The following ATG10 variants were observed in gnomAD, a reference collection of about 807,000 sequenced individuals.
ATG10 encodes the protein autophagy related 10.
Under a neutral mutation model 32.1 loss-of-function variants are expected in ATG10, and 30 were observed. The observed-to-expected ratio is 0.94, with a 90% CI of 0.70 to 1.27. The LOEUF (loss-of-function observed/expected upper bound fraction) is 1.27. Among genes scored for constraint, ATG10 ranks in the 50% most tolerant of loss-of-function variants. ATG10 has a pLI of 0.00. For missense variants in ATG10, 233 were observed against 262.3 expected, an observed-to-expected ratio of 0.89 and a Z score of 0.77; for synonymous variants, 87 against 91.5, an observed-to-expected ratio of 0.95 and a Z score of 0.28.
At chr5:82,087,452 T>C (rs1384068850) in intron 3 of ATG10, among the ~76,000 whole-genome samples, 1 of 152,168 alleles carries the variant, frequency 6.6e-6, no homozygotes, top group Non-Finnish European at 1.5e-5. Context: ...TATGGCTAGA[T>C]GGTGGAGAGC....
At chr5:82,026,789 G>A (rs748121948) in intron 2 of ATG10, among the ~76,000 whole-genome samples, 13 of 152,036 alleles carry the variant, frequency 8.6e-5, no homozygotes, top group Non-Finnish European at 1.8e-4. Flanking sequence ...TGCTGGGTGC[G>A]GTAGCTCACG....
chr5:82,016,981 C>G (rs141541214), intron 2 of ATG10, among the ~76,000 whole-genome samples: 1 of 152,158 alleles, frequency 6.6e-6, no homozygotes, highest in African/African-American at 2.4e-5. Context: ...TGAGCCACTG[C>G]GCCCAGCCCC....
At chr5:82,159,087 G>T (rs895333825) in intron 3 of ATG10, among the ~76,000 whole-genome samples, 4 of 152,126 alleles carry the variant, frequency 2.6e-5, no homozygotes, top group African/African-American at 7.2e-5. Flanking sequence ...GTGCCTTGGG[G>T]CTGTTATTAC....
intron 2 of ATG10, among the ~76,000 whole-genome samples, chr5:82,005,537 C>T (rs945931885): frequency 2.6e-5 from 4 of 152,184 alleles, no homozygotes; most frequent in Admixed American, 1.3e-4. Context: ...TCGGGTGATC[C>T]GCCTGCCTGT....
At chr5:82,189,468 G>A (rs1325601887) in intron 5 of ATG10, among the ~76,000 whole-genome samples, 1 of 152,206 alleles carries the variant, frequency 6.6e-6, no homozygotes, top group Non-Finnish European at 1.5e-5. Flanking sequence ...GAGATGGGGA[G>A]GGGTGATGCT....
intron 2 of ATG10, among the ~76,000 whole-genome samples, chr5:82,026,767 T>A (rs1561261550): frequency 6.6e-6 from 1 of 152,012 alleles, no homozygotes; most frequent in Admixed American, 6.6e-5. Context: ...CGTTAGAAAA[T>A]AAATTTACTG....
intron 1 of ATG10, among the ~76,000 whole-genome samples, chr5:81,977,499 C>T (rs1760903337): frequency 6.6e-6 from 1 of 152,164 alleles, no homozygotes; most frequent in Non-Finnish European, 1.5e-5. Flanking sequence ...CCAAGCAGCC[C>T]CTTGAAGAGC....
At chr5:82,207,441 C>T (rs916701571) in intron 5 of ATG10, among the ~76,000 whole-genome samples, 7 of 152,096 alleles carry the variant, frequency 4.6e-5, no homozygotes, top group African/African-American at 1.7e-4. Flanking sequence ...TGTGAAGTTC[C>T]TGTTCATGCC....
intron 1 of ATG10, among the ~76,000 whole-genome samples, chr5:81,978,045 C>T (rs1760917906): frequency 6.6e-6 from 1 of 152,076 alleles, no homozygotes; most frequent in Non-Finnish European, 1.5e-5. Flanking sequence ...TTCAGACTGG[C>T]ACTGATTCTG....
At chr5:82,235,070 C>G (rs537127548) in intron 5 of ATG10, among the ~76,000 whole-genome samples, 1 of 152,194 alleles carries the variant, frequency 6.6e-6, no homozygotes. Flanking sequence ...TCTGCACAGA[C>G]TCCTAGGGGA....
At chr5:82,138,772 A>G (rs1766886060) in intron 3 of ATG10, among the ~76,000 whole-genome samples, 1 of 151,332 alleles carries the variant, frequency 6.6e-6, no homozygotes, top group Non-Finnish European at 1.5e-5. Context: ...ATTACTATTT[A>G]AATTTTGGAA....
At chr5:81,983,642 T>TGACCCTCCCAC (rs2149661170) in intron 1 of ATG10, among the ~76,000 whole-genome samples, 1 of 146,666 alleles carries the variant, frequency 6.8e-6, no homozygotes, top group South Asian at 2.2e-4. Flanking sequence ...GCGGGGGGGC[T>TGACCCTCCCAC]GACCCTCCCA....
chr5:82,092,687 G>A (rs1347945629), intron 3 of ATG10, among the ~76,000 whole-genome samples: 1 of 152,180 alleles, frequency 6.6e-6, no homozygotes, highest in African/African-American at 2.4e-5. Flanking sequence ...GAGACTCCTG[G>A]AAGCTTATGC....
chr5:82,221,023 C>T (rs1438089812), intron 5 of ATG10, among the ~76,000 whole-genome samples: 1 of 152,210 alleles, frequency 6.6e-6, no homozygotes, highest in Admixed American at 6.5e-5. Flanking sequence ...TCCCAAAGTG[C>T]TGGGATGACA....
At chr5:82,196,379 A>G (rs1725814786) in intron 5 of ATG10, among the ~76,000 whole-genome samples, 1 of 152,042 alleles carries the variant, frequency 6.6e-6, no homozygotes, top group South Asian at 2.1e-4. Context: ...AAAGTTTTTT[A>G]TGTAGGTAAA....
intron 5 of ATG10, among the ~76,000 whole-genome samples, chr5:82,198,347 TG>T (rs954969232): frequency 6.6e-6 from 1 of 152,172 alleles, no homozygotes; most frequent in Non-Finnish European, 1.5e-5. Flanking sequence ...CTCCACTTCC[TG>T]GGTTCAACTA....
intron 3 of ATG10, among the ~76,000 whole-genome samples, chr5:82,143,714 G>A (rs1446180832): frequency 6.6e-6 from 1 of 152,318 alleles, no homozygotes; most frequent in Middle Eastern, 3.4e-3. Flanking sequence ...TGTTATCACT[G>A]TCTTCCCCTC....
intron 3 of ATG10, among the ~76,000 whole-genome samples, chr5:82,124,262 C>T (rs1766164520): frequency 6.6e-6 from 1 of 150,774 alleles, no homozygotes; most frequent in Non-Finnish European, 1.5e-5. Flanking sequence ...CTTGGCCTCC[C>T]AAAGTGCTGG....
chr5:82,027,932 A>T (rs1381294452), intron 2 of ATG10, among the ~76,000 whole-genome samples: 1 of 152,236 alleles, frequency 6.6e-6, no homozygotes, highest in Non-Finnish European at 1.5e-5. Flanking sequence ...GCAGGAAAAG[A>T]TTTGAACATT....
Sources: allele counts gnomAD v4.1 joint callset (sites outside exome capture counted in the v4.1 genomes callset), GRCh38; gene constraint gnomAD v4.1.1; transcripts MANE v1.5; gene names NCBI Gene and HGNC (gene_info 2026-07-23, HGNC 2026-07-21).